Variants in KANK1 observed in about 807,000 individuals in gnomAD.
KANK1 encodes KN motif and ankyrin repeat domains 1.
A neutral mutation model predicts 106.2 loss-of-function variants in KANK1; 109 were observed. That is an observed-to-expected ratio of 1.03 (90% CI 0.88 to 1.20). The LOEUF (loss-of-function observed/expected upper bound fraction) is 1.20, where lower values mean the gene tolerates loss of function less well. Ranked by LOEUF, KANK1 falls within the 50% of genes most tolerant of loss-of-function variation. The pLI, the probability that KANK1 is intolerant of heterozygous loss-of-function variation, is 0.00. For synonymous variants in KANK1, 873 were observed against 652.2 expected, an observed-to-expected ratio of 1.34 and a Z score of -5.16; for missense variants, 2,399 against 1,710.7, an observed-to-expected ratio of 1.40 and a Z score of -7.10.
At chr9:677,150 T>A in intron 2 of KANK1, 141 bp downstream of exon 2, 1 of 755,436 alleles carries the variant, frequency 1.3e-6, no homozygotes, top group Non-Finnish European at 2.1e-6. Context: ...CATTGAAGTT[T>A]GGGTTTGTTT....
intron 2 of KANK1, among the ~76,000 whole-genome samples, chr9:704,034 T>A (rs1249023627): frequency 6.6e-6 from 1 of 152,184 alleles, no homozygotes; most frequent in Non-Finnish European, 1.5e-5. Flanking sequence ...TTTTTATACT[T>A]CCTCTTGATC....
At chr9:693,651 G>T (rs1242331875) in intron 2 of KANK1, 1 of 985,262 alleles carries the variant, frequency 1.0e-6, no homozygotes, top group African/African-American at 1.7e-5. Flanking sequence ...TTCCAAATGG[G>T]TATAAATAAA....
Position 712,777 on chromosome 9 carries a change from CA to C in KANK1, c.2012del (p.Gln671ArgfsTer22). 1 of 1,613,820 alleles carries C rather than the reference CA, an allele frequency of 6.2e-7. No homozygotes were observed. The highest frequency in any genetic ancestry group is 8.5e-7 in the Non-Finnish European group (1 of 1,179,902). On this transcript the variant is annotated frameshift_variant, in exon 3 of 12. Transcript: ENST00000382297. LOFTEE classifies it high-confidence loss of function. ...AVMAVPRTAD[Q>X]DTSTDLEQVH... ...CATGGCAGTGCCTCGTACTGCAGAC[CA>C]GGACACTAGCACAGATTTGGAACAG...
chr9:497,123 C>A (rs2132395277), intron 3 of KANK1, among the ~76,000 whole-genome samples: 1 of 152,170 alleles, frequency 6.6e-6, no homozygotes, highest in Non-Finnish European at 1.5e-5. Context: ...CCTTTCCTTT[C>A]AAACAGTTGT....
At chr9:577,370 A>C (rs550561434) in intron 1 of KANK1, among the ~76,000 whole-genome samples, 15 of 152,222 alleles carry the variant, frequency 9.9e-5, no homozygotes, top group Admixed American at 9.8e-4. Flanking sequence ...CTTTAGCTAG[A>C]CACAGAGTGC....
At chr9:709,090 G>A (rs1825160526) in intron 2 of KANK1, among the ~76,000 whole-genome samples, 1 of 152,142 alleles carries the variant, frequency 6.6e-6, no homozygotes, top group Non-Finnish European at 1.5e-5. Flanking sequence ...GCATCTGTTT[G>A]AACTCATGAC....
At chr9:513,602 C>G (rs932499717) in intron 1 of KANK1, among the ~76,000 whole-genome samples, 2 of 152,092 alleles carry the variant, frequency 1.3e-5, no homozygotes, top group African/African-American at 4.8e-5. Flanking sequence ...TGATATTTGT[C>G]TTACTAATAA....
chr9:705,866 G>A (rs916566576), intron 2 of KANK1, among the ~76,000 whole-genome samples: 1 of 152,150 alleles, frequency 6.6e-6, no homozygotes, highest in African/African-American at 2.4e-5. Context: ...CTCCCAAAGT[G>A]CTGGGATTAC....
intron 1 of KANK1, among the ~76,000 whole-genome samples, chr9:580,766 G>A (rs930576435): frequency 7.2e-5 from 11 of 152,244 alleles, no homozygotes; most frequent in African/African-American, 1.7e-4. Flanking sequence ...CGCGCTGTGC[G>A]CCCGCACTCC....
chr9:663,946 C>G (rs1843964847), intron 1 of KANK1, among the ~76,000 whole-genome samples: 1 of 152,116 alleles, frequency 6.6e-6, no homozygotes, highest in South Asian at 2.1e-4. Context: ...CTCATGGGAA[C>G]TCTTCAAATA....
chr9:732,474 AGAGGAG>A lies in KANK1; in HGVS notation c.3114_3119del (p.Glu1038_Glu1039del), dbSNP rs113586916. 22 of 1,612,424 alleles carry A rather than the reference AGAGGAG, an allele frequency of 1.4e-5. No individual in the cohort carries two copies. The Admixed American group carries it at 2.7e-4, about 20-fold the overall frequency. ...ATGTCATTGAGTATCCTCTTGAAGA[AGAGGAG>A]GAGGAGGAGGATGAAGACACTCGGG... On this transcript the variant is annotated inframe_deletion, in exon 6 of 12. Transcript: ENST00000382297.
At chr9:528,551 G>A (rs570269300) in intron 1 of KANK1, among the ~76,000 whole-genome samples, 13 of 141,072 alleles carry the variant, frequency 9.2e-5, no homozygotes, top group South Asian at 6.6e-4. Flanking sequence ...GCTTGATCTC[G>A]GCTCACTGCA....
chr9:713,378 C>T lies in KANK1; in HGVS notation c.2612C>T (p.Ser871Leu), dbSNP rs771153243. Residue 871 changes from serine (S) to leucine (L), a missense_variant, in exon 3 of 12, where the codon TCG becomes TTG. Coordinates refer to ENST00000382297, the MANE Select transcript of KANK1 (RefSeq NM_015158.5). ...SLNSQLISTLSSINSVMKSAS... is the reference protein window; with the variant it reads ...SLNSQLISTLLSINSVMKSAS... ...AACTCTCAGCTCATCAGCACCCTGTCGTCTATCAACTCTGTCATGAAATCT... is the reference window on the plus strand; with the variant it reads ...AACTCTCAGCTCATCAGCACCCTGTTGTCTATCAACTCTGTCATGAAATCT... 2.4e-5 allele frequency: 39 copies of T among 1,613,996 alleles called. No homozygotes were observed. Among genetic ancestry groups the T allele is most frequent in the Middle Eastern group, 1.7e-4 (1 of 6,042 alleles).
At chr9:670,015 G>C (rs1056652839) in intron 1 of KANK1, among the ~76,000 whole-genome samples, 2 of 152,038 alleles carry the variant, frequency 1.3e-5, no homozygotes, top group Non-Finnish European at 2.9e-5. Context: ...CTGCTGTTGA[G>C]AGCCTCCAAT....
chr9:664,276 T>C (rs548838995), intron 1 of KANK1, among the ~76,000 whole-genome samples: 4 of 152,224 alleles, frequency 2.6e-5, no homozygotes, highest in Admixed American at 6.5e-5. Context: ...TCTATCCTCA[T>C]GAGATTCAGT....
At chr9:501,613 TAC>T (rs60211646), upstream of KANK1, among the ~76,000 whole-genome samples, 4,301 of 148,146 alleles carry the variant, frequency 0.029, 83 homozygotes, top group African/African-American at 0.069. Flanking sequence ...CGCACAGACA[TAC>T]ACACACACAC....
At chr9:591,992 C>A (rs891766117) in intron 1 of KANK1, among the ~76,000 whole-genome samples, 1 of 151,674 alleles carries the variant, frequency 6.6e-6, no homozygotes, top group Admixed American at 6.6e-5. Flanking sequence ...TACTCTTTTC[C>A]TGTTTCCCCC....
chr9:683,663 C>T (rs1414950204), intron 2 of KANK1, among the ~76,000 whole-genome samples: 1 of 152,180 alleles, frequency 6.6e-6, no homozygotes, highest in Non-Finnish European at 1.5e-5. Context: ...CCCTAAAGTA[C>T]AGTGTTTAAA....
intron 1 of KANK1, among the ~76,000 whole-genome samples, chr9:574,597 C>A (rs1041031694): frequency 2.6e-5 from 4 of 152,118 alleles, no homozygotes; most frequent in African/African-American, 9.6e-5. Context: ...TGGCTTATGC[C>A]TGTAATCCCA....
Sources: allele counts gnomAD v4.1 joint callset (sites outside exome capture counted in the v4.1 genomes callset), GRCh38; gene constraint gnomAD v4.1.1; transcripts MANE v1.5; gene names NCBI Gene and HGNC (gene_info 2026-07-23, HGNC 2026-07-21).